CD8B: variants seen among roughly 807,000 people sequenced by gnomAD.
CD8B encodes the protein CD8 subunit beta, also known as T-cell surface glycoprotein CD8 beta chain.
Under a neutral mutation model 24.2 loss-of-function variants are expected in CD8B, and 6 were observed. The observed-to-expected ratio is 0.25, with a 90% CI of 0.14 to 0.49. The LOEUF is 0.49. CD8B is among the 20% of genes least tolerant of loss of function. The probability of loss-of-function intolerance (pLI) is 0.98; values close to 1 mark genes in which losing one functional copy is unlikely to be tolerated. For synonymous variants in CD8B, 84 were observed against 108.3 expected (o/e 0.78, Z 1.39); for missense variants, 196 against 271.3 (o/e 0.72, Z 1.95).
chr2:86,835,546 C>G (rs1250070753), downstream of CD8B, among the ~76,000 whole-genome samples: 1 of 151,618 alleles, frequency 6.6e-6, no homozygotes, highest in African/African-American at 2.4e-5. Flanking sequence ...GAGTCATGGC[C>G]TCCCTTTTGC....
At chr2:86,815,542 T>A (rs920049103), downstream of CD8B, 2 of 1,000,462 alleles carry the variant, frequency 2.0e-6, no homozygotes, top group African/African-American at 3.1e-5. Flanking sequence ...GGAGGATCCC[T>A]CTGAGCGAGG....
chr2:86,824,298 CT>C (rs2104501677), intron 5 of CD8B, among the ~76,000 whole-genome samples: 1 of 152,238 alleles, frequency 6.6e-6, no homozygotes, highest in Non-Finnish European at 1.5e-5. Context: ...ATCAATGCTG[CT>C]TTGCACACAG....
chr2:86,834,565 G>T (rs1198384603), downstream of CD8B, among the ~76,000 whole-genome samples: 1 of 148,062 alleles, frequency 6.8e-6, no homozygotes, highest in Non-Finnish European at 1.5e-5. Context: ...CATCAGGAGC[G>T]TCTGACCAGG....
intron 1 of CD8B, 134 bp from the exon 2 acceptor site, chr2:86,858,550 T>C: frequency 3.5e-6 from 5 of 1,444,140 alleles, no homozygotes; most frequent in Non-Finnish European, 4.6e-6. Flanking sequence ...AGGGAGTGTG[T>C]TGAGCGCAGC....
rs1378924251 is a variant in CD8B, at chr2:86,841,034, C to T, written c.*1273G>A. The stretch of plus-strand genomic sequence containing the variant: ...ATTCTCCCTGGACCTGGACGTGGTG[C>T]TTCTGTTAATGCAGCCTCAGGTTGC... On this transcript the variant is annotated 3_prime_UTR_variant, in exon 6 of 6. Transcript: ENST00000390655. Among the ~76,000 whole-genome samples, 1 of 151,966 alleles carries T rather than the reference C, an allele frequency of 6.6e-6. No homozygotes were observed. Among genetic ancestry groups the T allele is most frequent in the African/African-American group, 2.4e-5 (1 of 41,338 alleles).
rs1480450834 is a variant in CD8B, at chr2:86,839,741, G to A, written c.*2566C>T. On this transcript the variant is annotated 3_prime_UTR_variant, in exon 6 of 6. Coordinates refer to ENST00000390655, the MANE Select transcript of CD8B (RefSeq NM_004931.5). ...ATTGCAAAGACAGCAGCAGGGAGAC[G>A]GTCAAATTTCAAAGCCTGCAGTGGG... Among the ~76,000 whole-genome samples the A allele has an allele frequency of 1.3e-5, 2 of 152,244 alleles. No individual in the cohort carries two copies. Among genetic ancestry groups the A allele is most frequent in the African/African-American group, 2.4e-5 (1 of 41,466 alleles).
chr2:86,843,563 C>T (rs1045200158), intron 5 of CD8B: 74 of 983,240 alleles, frequency 7.5e-5, no homozygotes, highest in Admixed American at 1.2e-4. Context: ...AAGCCACTCT[C>T]GATATAAATA....
At chr2:86,829,858 TAC>T (rs1052666293) in intron 5 of CD8B, among the ~76,000 whole-genome samples, 1 of 134,608 alleles carries the variant, frequency 7.4e-6, no homozygotes, top group African/African-American at 2.6e-5. Flanking sequence ...ACATGTTTCT[TAC>T]ACACAGATAA....
chr2:86,857,728 T>C (rs989528781), intron 2 of CD8B, among the ~76,000 whole-genome samples: 3 of 151,896 alleles, frequency 2.0e-5, no homozygotes, highest in Non-Finnish European at 2.9e-5. Flanking sequence ...TCAAAAAAAA[T>C]AATAATAATA....
chr2:86,858,873 G>C (rs902760252), intron 1 of CD8B, among the ~76,000 whole-genome samples: 1 of 151,966 alleles, frequency 6.6e-6, no homozygotes, highest in African/African-American at 2.4e-5. Flanking sequence ...AGCCTCCCAA[G>C]TAGCTGAGAG....
At chr2:86,854,967 A>G (rs1676160949) in intron 2 of CD8B, among the ~76,000 whole-genome samples, 1 of 152,128 alleles carries the variant, frequency 6.6e-6, no homozygotes, top group Admixed American at 6.5e-5. Flanking sequence ...CTAAAAATAC[A>G]AAAATTAGTT....
At chr2:86,835,589 C>A (rs1675145403), downstream of CD8B, among the ~76,000 whole-genome samples, 1 of 151,492 alleles carries the variant, frequency 6.6e-6, no homozygotes, top group Non-Finnish European at 1.5e-5. Context: ...GCAGGCCTAG[C>A]CCAGCAGGCA....
At position 86,858,199 on chromosome 2, in the gene CD8B, C is replaced by G. The variant is rs777728790; in HGVS notation, c.261G>C (p.Gln87His). ...CATCCCGAAACACAGCTATCTTCTC[C>G]TGTTCCACCTCTTCACCGTGGATAG... ...KGTIHGEEVE[Q>H]EKIAVFRDAS... is the part of the protein sequence containing the mutation. The change falls in exon 2 of 6, where the codon CAG (glutamine) becomes CAC (histidine). Residue 87 changes from glutamine (Q) to histidine (H), a missense_variant. Coordinates refer to ENST00000390655, the MANE Select transcript of CD8B (RefSeq NM_004931.5). 1.2e-6 allele frequency: 2 copies of G among 1,614,040 alleles called. No individual in the cohort carries two copies. The highest frequency in any genetic ancestry group is 2.2e-5 in the South Asian group (2 of 91,080).
chr2:86,822,320 C>A (rs117448899), intron 5 of CD8B: 3 of 1,549,594 alleles, frequency 1.9e-6, no homozygotes, highest in East Asian at 2.3e-5. Flanking sequence ...AATGTTTATA[C>A]CTGTATATTC....
intron 5 of CD8B, among the ~76,000 whole-genome samples, chr2:86,832,485 TAA>T (rs111687034): frequency 6.1e-4 from 88 of 143,654 alleles, no homozygotes; most frequent in African/African-American, 1.2e-3. Context: ...CTCAAAAAAT[TAA>T]AAAAAAAAAA....
chr2:86,828,902 C>A (rs986814557), intron 5 of CD8B, among the ~76,000 whole-genome samples: 3 of 150,964 alleles, frequency 2.0e-5, no homozygotes, highest in Non-Finnish European at 4.4e-5. Flanking sequence ...GTCATTATAT[C>A]TTCTCCATAT....
chr2:86,861,822 C>T lies in CD8B; in HGVS notation c.43+1G>A. 7.8e-7 allele frequency: 1 copy of T among 1,278,712 alleles called. No homozygotes were observed. The highest frequency in any genetic ancestry group is 2.8e-5 in the South Asian group (1 of 36,306). The allele number at this position is 1,278,712 out of a possible 1,614,324, so 79.2% of individuals were successfully genotyped here. On this transcript the variant is annotated splice_donor_variant, in intron 1 of 5. Transcript: ENST00000390655. LOFTEE classifies it high-confidence loss of function. ...GGGTAGCCCGCGCGCCGCCGCCTTA[C>T]CTGTCAGCTGCGCGGCCAAGAGGAG...
intron 2 of CD8B, among the ~76,000 whole-genome samples, chr2:86,854,923 C>A (rs1196350674): frequency 6.6e-6 from 1 of 152,150 alleles, no homozygotes; most frequent in Non-Finnish European, 1.5e-5. Context: ...GAGTCCAAGA[C>A]CAGCCTGGCC....
intron 1 of CD8B, among the ~76,000 whole-genome samples, chr2:86,858,715 T>C (rs1451103228): frequency 1.3e-4 from 19 of 145,920 alleles, no homozygotes; most frequent in Admixed American, 1.1e-3. Flanking sequence ...ATAAAGGAAC[T>C]CAATCAAGCC....
Sources: allele counts gnomAD v4.1 joint callset (sites outside exome capture counted in the v4.1 genomes callset), GRCh38; gene constraint gnomAD v4.1.1; transcripts MANE v1.5; gene names NCBI Gene and HGNC (gene_info 2026-07-23, HGNC 2026-07-21).